Variants in BARD1 observed in about 807,000 individuals in gnomAD.
BARD1 encodes BRCA1 associated RING domain 1, also known as BRCA1-associated RING domain protein 1.
In BARD1, 73 loss-of-function variants were observed where a neutral mutation model predicts 77.0. That is an observed-to-expected ratio of 0.95 (90% CI 0.79 to 1.15). The LOEUF is 1.15. Ranked by LOEUF, BARD1 falls within the 50% of genes most tolerant of loss-of-function variation. The pLI, the probability that BARD1 is intolerant of heterozygous loss-of-function variation, is 0.00. For missense variants in BARD1, 993 were observed against 938.8 expected (o/e 1.06, Z -0.75); for synonymous variants, 384 against 338.0 (o/e 1.14, Z -1.49).
rs1165229060 is a variant in BARD1 at position 214,774,531 on chromosome 2, T to C, written c.1315-5219A>G. Reference sequence around the variant, plus strand: ...TATTTTGAATATCTTTCCTGAACAGTAGGTCTCAACAGCAGGCTTAAAATA... The same window carrying C: ...TATTTTGAATATCTTTCCTGAACAGCAGGTCTCAACAGCAGGCTTAAAATA... On this transcript the variant is annotated intron_variant, in intron 4 of 10. Transcript: ENST00000260947. Among the ~76,000 whole-genome samples the C allele has an allele frequency of 7.2e-5, 11 of 152,304 alleles. No homozygotes were observed. In the East Asian group the frequency reaches 1.9e-3, roughly 27 times the overall value.
chr2:214,745,657 T>C, intron 8 of BARD1, 65 bp downstream of exon 8: 4 of 1,567,950 alleles, frequency 2.6e-6, no homozygotes, highest in Non-Finnish European at 1.8e-6. Context: ...TCAAAGGTAG[T>C]TCTCCAAAAG....
At position 214,726,974 on chromosome 2, in the gene BARD1, T is replaced by C. The variant is rs1692110953; in HGVS notation, c.*1702A>G. 4.7e-6 allele frequency: 1 copy of C among 213,470 alleles called. No homozygotes were observed. Among genetic ancestry groups the C allele is most frequent in the African/African-American group, 2.8e-5 (1 of 36,120 alleles). The allele number at this position is 213,470 out of a possible 1,614,324, so 13.2% of individuals were successfully genotyped here. A position where few individuals can be genotyped will look rare whatever the true frequency, so the allele number is the denominator to read the frequency against. On this transcript the variant is annotated 3_prime_UTR_variant, in exon 11 of 11. Coordinates refer to ENST00000260947, the MANE Select transcript of BARD1 (RefSeq NM_000465.4). Reference sequence around the variant, plus strand: ...GACCTATGAGGCAACAGAAAGTGACTTAAAGTCTGTTATAAATAAAAAATG... The same window carrying C: ...GACCTATGAGGCAACAGAAAGTGACCTAAAGTCTGTTATAAATAAAAAATG...
rs786201551 is a variant in BARD1, at chr2:214,752,498, T to G, written c.1626A>C (p.Leu542=). 6.2e-7 allele frequency: 1 copy of G among 1,613,848 alleles called. No individual in the cohort carries two copies. Among genetic ancestry groups the G allele is most frequent in the Non-Finnish European group, 8.5e-7 (1 of 1,179,810 alleles). Residue 542 remains leucine (L), a synonymous_variant, in exon 7 of 11, where the codon CTA becomes CTC. Transcript: ENST00000260947. ...ATTCATTCTTCTCTGGTAGCAGCAA[T>G]AGCGATTTCATACTTTCATCATCTG... ...DYTDDESMKS[L]LLLPEKNESS...
intron 1 of BARD1, among the ~76,000 whole-genome samples, chr2:214,808,073 A>T (rs1039474172): frequency 2.0e-5 from 3 of 152,370 alleles, no homozygotes; most frequent in African/African-American, 7.2e-5. Context: ...GTCAAAGAAA[A>T]TATAAGTGCA....
At chr2:214,784,100 T>C (rs1250846516) in intron 3 of BARD1, among the ~76,000 whole-genome samples, 1 of 152,066 alleles carries the variant, frequency 6.6e-6, no homozygotes, top group Non-Finnish European at 1.5e-5. Context: ...AGAGGCAACC[T>C]ACAGAATGGG....
chr2:214,782,953 G>C (rs1695108065), intron 3 of BARD1, among the ~76,000 whole-genome samples: 1 of 152,118 alleles, frequency 6.6e-6, no homozygotes, highest in African/African-American at 2.4e-5. Flanking sequence ...CATTCTAAAA[G>C]ATCACAAGTT....
chr2:214,750,492 G>GTC (rs1170573795), intron 7 of BARD1, among the ~76,000 whole-genome samples: 4 of 152,102 alleles, frequency 2.6e-5, no homozygotes, highest in Non-Finnish European at 5.9e-5. Context: ...ATGCCTCCTT[G>GTC]TCTCTGAGCA....
At position 214,728,734 on chromosome 2, in the gene BARD1, G is replaced by A; in HGVS notation, c.2276C>T (p.Pro759Leu). Residue 759 changes from proline to leucine, a missense_variant, in exon 11 of 11, where the codon CCT (proline) becomes CTT (leucine). Physicochemically the swap from Pro to Leu is moderately conservative, Grantham distance 98. Coordinates refer to ENST00000260947, the MANE Select transcript of BARD1 (RefSeq NM_000465.4). ...RVRQGKVWKA[P>L]SSWFIDCVMS... ...CACACAGTCTATAAACCAGCTCGAA[G>A]GAGCCTTCCAGACTTTGCCCTGCCG... is the stretch of plus-strand genomic sequence containing the variant. 1.2e-6 allele frequency: 2 copies of A among 1,614,176 alleles called. No individual in the cohort carries two copies. The highest frequency in any genetic ancestry group is 8.5e-7 in the Non-Finnish European group (1 of 1,180,026).
At chr2:214,731,174 C>G (rs560646851) in intron 9 of BARD1, 2 of 213,662 alleles carry the variant, frequency 9.4e-6, no homozygotes, top group Non-Finnish European at 1.9e-5. Flanking sequence ...TTGAGTAAGT[C>G]TGTTCACAGC....
intron 3 of BARD1, among the ~76,000 whole-genome samples, chr2:214,785,684 A>G (rs775283721): frequency 6.6e-6 from 1 of 151,808 alleles, no homozygotes; most frequent in Non-Finnish European, 1.5e-5. Context: ...CTCCACACAA[A>G]CTGGATTAGC....
intron 4 of BARD1, 24 bp downstream of exon 4, chr2:214,780,536 G>C (rs1246620810): frequency 6.3e-7 from 1 of 1,586,870 alleles, no homozygotes; most frequent in East Asian, 2.2e-5. Context: ...ATTCTGAGAT[G>C]GTATTTCAGA....
At chr2:214,796,930 G>T in intron 2 of BARD1, 131 bp downstream of exon 2, 1 of 785,078 alleles carries the variant, frequency 1.3e-6, no homozygotes, top group Non-Finnish European at 2.3e-6. Flanking sequence ...CTAAGATAAT[G>T]TACAATAGGT....
At chr2:214,750,576 T>A (rs1328846067) in intron 7 of BARD1, among the ~76,000 whole-genome samples, 1 of 152,120 alleles carries the variant, frequency 6.6e-6, no homozygotes, top group Non-Finnish European at 1.5e-5. Flanking sequence ...GCTGTTACAC[T>A]CAAAATCTAT....
intron 7 of BARD1, among the ~76,000 whole-genome samples, chr2:214,750,780 G>A (rs980072479): frequency 6.6e-6 from 1 of 152,028 alleles, no homozygotes; most frequent in Non-Finnish European, 1.5e-5. Context: ...GTCATATCTA[G>A]AATTGTGGCA....
intron 2 of BARD1, among the ~76,000 whole-genome samples, chr2:214,793,553 T>G (rs1695624502): frequency 6.6e-6 from 1 of 152,210 alleles, no homozygotes; most frequent in Non-Finnish European, 1.5e-5. Flanking sequence ...TTAAATCATT[T>G]GTGCAATACT....
intron 2 of BARD1, among the ~76,000 whole-genome samples, chr2:214,792,848 G>C (rs1483745896): frequency 6.6e-6 from 1 of 152,184 alleles, no homozygotes; most frequent in East Asian, 1.9e-4. Flanking sequence ...GTTTTGTTTT[G>C]GGACTAGTAT....
chr2:214,734,942 C>T (rs1210600820), intron 9 of BARD1, among the ~76,000 whole-genome samples: 2 of 152,052 alleles, frequency 1.3e-5, no homozygotes, highest in South Asian at 4.1e-4. Context: ...CTATGAACAC[C>T]GATTAGTGAA....
intron 6 of BARD1, among the ~76,000 whole-genome samples, chr2:214,753,815 C>T (rs977793734): frequency 6.6e-6 from 1 of 152,108 alleles, no homozygotes; most frequent in African/African-American, 2.4e-5. Flanking sequence ...GACTGCAATT[C>T]GTGACTATCA....
Position 214,809,670 on chromosome 2 carries a change from C to T in BARD1, c.-101G>A. On this transcript the variant is annotated 5_prime_UTR_variant, in exon 1 of 11. Transcript: ENST00000260947. Reference sequence around the variant, plus strand: ...GGCCAGCGACTCGAAACCGGCCAAGCTCTTCCCGCGTCTGGGACGGCGGGC... The same window carrying T: ...GGCCAGCGACTCGAAACCGGCCAAGTTCTTCCCGCGTCTGGGACGGCGGGC... 6.9e-7 allele frequency: 1 copy of T among 1,457,940 alleles called. No individual in the cohort carries two copies. The highest frequency in any genetic ancestry group is 9.2e-7 in the Non-Finnish European group (1 of 1,083,002). 90.3% of individuals were successfully genotyped at this position (1,457,940 alleles called of 1,614,324 possible).
Sources: allele counts gnomAD v4.1 joint callset (sites outside exome capture counted in the v4.1 genomes callset), GRCh38; gene constraint gnomAD v4.1.1; transcripts MANE v1.5; gene names NCBI Gene and HGNC (gene_info 2026-07-23, HGNC 2026-07-21).